INPP4A: variants seen among roughly 807,000 people sequenced by gnomAD.
The protein encoded by INPP4A is inositol polyphosphate-4-phosphatase, type I, 107kD.
A neutral mutation model predicts 119.8 loss-of-function variants in INPP4A; 33 were observed. That is an observed-to-expected ratio of 0.28 (90% CI 0.21 to 0.37). INPP4A has a LOEUF of 0.37. Among genes scored for constraint, INPP4A ranks in the 10% least tolerant of loss-of-function variants. INPP4A has a pLI of 1.00. For missense variants in INPP4A, 956 were observed against 1,289.9 expected (o/e 0.74, Z 3.97); for synonymous variants, 496 against 500.7 (o/e 0.99, Z 0.12).
chr2:98,541,660 C>T (rs149920467), intron 10 of INPP4A, among the ~76,000 whole-genome samples: 2 of 152,362 alleles, frequency 1.3e-5, no homozygotes, highest in Admixed American at 1.3e-4. Context: ...TAGCTCACTA[C>T]AGCCTGAAAC....
chr2:98,510,563 T>G (rs1225650865), intron 1 of INPP4A, among the ~76,000 whole-genome samples: 1 of 152,166 alleles, frequency 6.6e-6, no homozygotes, highest in African/African-American at 2.4e-5. Context: ...TGTCCTCACA[T>G]GACAAAAGGT....
chr2:98,514,445 G>A (rs989246467), intron 1 of INPP4A, among the ~76,000 whole-genome samples: 4 of 152,172 alleles, frequency 2.6e-5, no homozygotes, highest in Non-Finnish European at 4.4e-5. Flanking sequence ...GTGGCTGGGG[G>A]CTCTTAAATT....
At chr2:98,471,521 A>G in intron 1 of INPP4A, among the ~76,000 whole-genome samples, 1 of 152,154 alleles carries the variant, frequency 6.6e-6, no homozygotes, top group Non-Finnish European at 1.5e-5. Context: ...GGTGGATGGA[A>G]GTAAGGTTGC....
intron 1 of INPP4A, among the ~76,000 whole-genome samples, chr2:98,483,884 C>T (rs949764225): frequency 5.3e-5 from 8 of 152,124 alleles, no homozygotes; most frequent in Non-Finnish European, 1.2e-4. Flanking sequence ...TCTTCCTCTC[C>T]ACCCTCTTGC....
At chr2:98,561,173 A>G (rs971045710) in intron 17 of INPP4A, among the ~76,000 whole-genome samples, 11 of 152,210 alleles carry the variant, frequency 7.2e-5, no homozygotes, top group African/African-American at 2.7e-4. Context: ...AGTTATCTAA[A>G]TTAGTATGGC....
At chr2:98,562,037 C>T (rs905618847) in intron 17 of INPP4A, among the ~76,000 whole-genome samples, 1 of 152,184 alleles carries the variant, frequency 6.6e-6, no homozygotes, top group African/African-American at 2.4e-5. Flanking sequence ...GCTGAGGGGT[C>T]GAGGGCCTTG....
chr2:98,568,856 A>T, intron 22 of INPP4A, 188 bp downstream of exon 22: 2 of 565,334 alleles, frequency 3.5e-6, no homozygotes, highest in South Asian at 2.1e-5. Flanking sequence ...GCCCTCATTC[A>T]TCTCTTTGCT....
At chr2:98,469,966 A>G (rs1675647063) in intron 1 of INPP4A, among the ~76,000 whole-genome samples, 1 of 152,198 alleles carries the variant, frequency 6.6e-6, no homozygotes, top group Non-Finnish European at 1.5e-5. Flanking sequence ...GCAGAGCTGC[A>G]GCATGTTCTG....
At chr2:98,522,977 C>G (rs1482259583) in intron 4 of INPP4A, among the ~76,000 whole-genome samples, 1 of 152,186 alleles carries the variant, frequency 6.6e-6, no homozygotes, top group Admixed American at 6.5e-5. Flanking sequence ...AAATTTACTT[C>G]CCCTGCATTC....
chr2:98,552,617 G>T, intron 13 of INPP4A, 169 bp from the exon 14 acceptor site: 1 of 742,500 alleles, frequency 1.3e-6, no homozygotes, highest in Admixed American at 1.8e-5. Flanking sequence ...TAGACAGGAA[G>T]AATCTCCTAA....
At chr2:98,499,935 G>A (rs1215150109) in intron 1 of INPP4A, among the ~76,000 whole-genome samples, 1 of 152,172 alleles carries the variant, frequency 6.6e-6, no homozygotes, top group Non-Finnish European at 1.5e-5. Context: ...TGAGCCCAGG[G>A]TCCAGCAGGG....
intron 22 of INPP4A, among the ~76,000 whole-genome samples, chr2:98,571,289 G>A (rs574381335): frequency 3.3e-5 from 5 of 152,322 alleles, no homozygotes; most frequent in Non-Finnish European, 7.4e-5. Context: ...GGCATGGAGG[G>A]CAAGTCTCCC....
In INPP4A at chr2:98,569,488, T is replaced by C. The variant is rs1426934653; in HGVS notation, c.2518+820T>C. The C allele has an allele frequency of 1.3e-5, 2 of 152,294 alleles. No individual in the cohort carries two copies. Among genetic ancestry groups the C allele is most frequent in the Non-Finnish European group, 2.9e-5 (2 of 68,112 alleles). 9.4% of individuals were successfully genotyped at this position (152,294 alleles called of 1,614,324 possible). On this transcript the variant is annotated intron_variant, in intron 22 of 24. Transcript: ENST00000409851. The surrounding 1 kb of genome is among the most constrained non-coding windows in gnomAD (Gnocchi z 5.1). ...GAGGGAACCCACATCGGCTGGGCTT[T>C]GCATTGGGCAGGCTTCATCTGCATC...
At chr2:98,574,704 C>G (rs893020616) in intron 23 of INPP4A, among the ~76,000 whole-genome samples, 10 of 151,560 alleles carry the variant, frequency 6.6e-5, no homozygotes, top group African/African-American at 9.7e-5. Context: ...GGGGGATGTG[C>G]GTTCACTGAT....
At chr2:98,556,067 A>G (rs1270898141) in intron 16 of INPP4A, 4 of 467,600 alleles carry the variant, frequency 8.6e-6, no homozygotes, top group South Asian at 4.5e-5. Context: ...GAGATACACC[A>G]CCATGGCTAT....
chr2:98,454,868 G>A (rs555181315), intron 1 of INPP4A, among the ~76,000 whole-genome samples: 10 of 152,136 alleles, frequency 6.6e-5, no homozygotes, highest in Admixed American at 5.9e-4. Context: ...AAGAATGGAA[G>A]GACTAAGGAT....
intron 1 of INPP4A, among the ~76,000 whole-genome samples, chr2:98,490,615 C>T (rs1475877575): frequency 1.3e-5 from 2 of 152,210 alleles, no homozygotes; most frequent in African/African-American, 2.4e-5. Flanking sequence ...TGGTTTAGTC[C>T]TGACCCCTTT....
intron 1 of INPP4A, among the ~76,000 whole-genome samples, chr2:98,481,251 G>A (rs984513531): frequency 3.3e-5 from 5 of 152,204 alleles, no homozygotes; most frequent in Non-Finnish European, 5.9e-5. Flanking sequence ...AGGCCAGGAA[G>A]TGAACAGGAG....
chr2:98,565,906 T>A (rs1043837118), intron 20 of INPP4A, 123 bp from the exon 21 acceptor site: 36 of 1,493,176 alleles, frequency 2.4e-5, no homozygotes, highest in Non-Finnish European at 3.2e-5. Context: ...TTAGTGCCAC[T>A]CCCTTAAAGG....
Sources: gnomAD v4.1 joint callset for allele counts (sites outside exome capture counted in the v4.1 genomes callset) on GRCh38, gnomAD v4.1.1 for gene constraint, Gnocchi (gnomAD v3.1) non-coding constraint, MANE v1.5 for transcripts, NCBI Gene and HGNC (gene_info 2026-07-23, HGNC 2026-07-21) for gene names.